TNFRSF19: variants seen among roughly 807,000 people sequenced by gnomAD.
TNFRSF19 encodes TNF receptor superfamily member 19.
TNFRSF19 carries 27 observed loss-of-function variants against 46.4 expected under a neutral mutation model. The observed-to-expected ratio is 0.58, with a 90% confidence interval of 0.43 to 0.80. The LOEUF (loss-of-function observed/expected upper bound fraction) is 0.80, where lower values mean the gene tolerates loss of function less well. TNFRSF19 is among the 30% of genes least tolerant of loss of function. The pLI is 0.00. For missense variants in TNFRSF19, 511 were observed against 530.8 expected (o/e 0.96, Z 0.37); for synonymous variants, 204 against 205.0 (o/e 1.00, Z 0.04).
intron 1 of TNFRSF19, among the ~76,000 whole-genome samples, chr13:23,575,360 A>G (rs1482784559): frequency 6.6e-6 from 1 of 152,268 alleles, no homozygotes; most frequent in East Asian, 1.9e-4. Context: ...TTTTTCATAT[A>G]TATTGGTTTA....
At chr13:23,589,743 T>C (rs1426879476) in intron 1 of TNFRSF19, among the ~76,000 whole-genome samples, 2 of 152,222 alleles carry the variant, frequency 1.3e-5, no homozygotes, top group African/African-American at 4.8e-5. Context: ...TGTCACATAG[T>C]TGTTATTTTA....
intron 7 of TNFRSF19, among the ~76,000 whole-genome samples, chr13:23,664,744 T>G (rs893315023): frequency 6.6e-6 from 1 of 152,164 alleles, no homozygotes; most frequent in African/African-American, 2.4e-5. Context: ...CCTTGTAGAG[T>G]GCACACAAAG....
At chr13:23,654,250 G>A (rs1333733795) in intron 5 of TNFRSF19, among the ~76,000 whole-genome samples, 2 of 152,206 alleles carry the variant, frequency 1.3e-5, no homozygotes, top group Non-Finnish European at 2.9e-5. Context: ...AGCAGTAGAA[G>A]GCAGAGGAGG....
intron 5 of TNFRSF19, among the ~76,000 whole-genome samples, chr13:23,654,654 A>G (rs567441406): frequency 6.6e-6 from 1 of 152,284 alleles, no homozygotes; most frequent in East Asian, 1.9e-4. Context: ...GGTTATCATT[A>G]CCCAACAGAA....
intron 9 of TNFRSF19, among the ~76,000 whole-genome samples, chr13:23,670,308 C>T (rs1024701620): frequency 6.6e-6 from 1 of 152,104 alleles, no homozygotes; most frequent in African/African-American, 2.4e-5. Context: ...CATCTTCCCA[C>T]CTTGTTTGCT....
At chr13:23,669,192 T>TG in intron 9 of TNFRSF19, 95 bp downstream of exon 9, 1 of 1,290,444 alleles carries the variant, frequency 7.7e-7, no homozygotes, top group South Asian at 1.8e-5. Context: ...ACCTGATGAG[T>TG]TTTTTTTTTG....
At chr13:23,654,082 A>G (rs1446935555) in intron 5 of TNFRSF19, among the ~76,000 whole-genome samples, 1 of 152,202 alleles carries the variant, frequency 6.6e-6, no homozygotes, top group Non-Finnish European at 1.5e-5. Flanking sequence ...GGAAAGTGGC[A>G]AGAGCCAGGT....
chr13:23,613,945 C>G (rs762808632), intron 3 of TNFRSF19, among the ~76,000 whole-genome samples: 8 of 152,042 alleles, frequency 5.3e-5, no homozygotes, highest in Non-Finnish European at 1.2e-4. Context: ...GTAATGGATG[C>G]TTTTTGCAAA....
At chr13:23,582,889 G>C (rs951342441) in intron 1 of TNFRSF19, among the ~76,000 whole-genome samples, 3 of 152,120 alleles carry the variant, frequency 2.0e-5, no homozygotes, top group African/African-American at 7.2e-5. Flanking sequence ...ATTATTACAG[G>C]TATCAAAAGT....
At chr13:23,583,236 G>T (rs556819215) in intron 1 of TNFRSF19, among the ~76,000 whole-genome samples, 2 of 152,184 alleles carry the variant, frequency 1.3e-5, no homozygotes, top group African/African-American at 4.8e-5. Context: ...TTGTATTTTA[G>T]ACATTCAAAT....
chr13:23,616,260 G>A, intron 4 of TNFRSF19, among the ~76,000 whole-genome samples: 1 of 152,054 alleles, frequency 6.6e-6, no homozygotes, highest in East Asian at 1.9e-4. Context: ...AAATGAATAG[G>A]CATGCTAACA....
chr13:23,630,274 G>A (rs180806357), intron 5 of TNFRSF19, among the ~76,000 whole-genome samples: 116 of 133,444 alleles, frequency 8.7e-4, no homozygotes, highest in African/African-American at 3.2e-3. Context: ...CTGCACTCCA[G>A]CCTGAACAAC....
At position 23,593,378 on chromosome 13, in the gene TNFRSF19, A is replaced by C; in HGVS notation, c.103A>C (p.Arg35=). The change falls in exon 3 of 10, where the codon AGA becomes CGA. Residue 35 remains arginine (R), a synonymous_variant. Coordinates refer to ENST00000248484, the MANE Select transcript of TNFRSF19 (RefSeq NM_148957.4). ...CKVTCESGDC[R]QQEFRDRSGN... is the part of the protein sequence containing the mutation. ...AGTGACTTGTGAATCAGGAGACTGT[A>C]GACAGCAAGAATTCAGGGATCGGTC... The C allele has an allele frequency of 6.3e-7, 1 of 1,596,014 alleles. No individual in the cohort carries two copies. Among genetic ancestry groups the C allele is most frequent in the Non-Finnish European group, 8.5e-7 (1 of 1,175,542 alleles).
chr13:23,578,476 C>T (rs1293084369), intron 1 of TNFRSF19, among the ~76,000 whole-genome samples: 1 of 152,202 alleles, frequency 6.6e-6, no homozygotes, highest in Non-Finnish European at 1.5e-5. Context: ...AATACAACAA[C>T]CTATTCACTC....
chr13:23,631,243 A>G (rs1434063302), intron 5 of TNFRSF19, among the ~76,000 whole-genome samples: 2 of 152,218 alleles, frequency 1.3e-5, no homozygotes, highest in African/African-American at 4.8e-5. Context: ...AGGGAACCCC[A>G]GTAGTCCCCA....
intron 5 of TNFRSF19, among the ~76,000 whole-genome samples, chr13:23,636,742 G>A (rs746115436): frequency 1.5e-4 from 23 of 152,266 alleles, no homozygotes; most frequent in Admixed American, 3.9e-4. Flanking sequence ...CTCCTGGGCC[G>A]TTATGAAGAT....
In TNFRSF19 at chr13:23,652,842, G is replaced by A. The variant is rs145694525; in HGVS notation, c.446-6208G>A. ...TATTTCATAGACATTCATTCATTCC[G>A]TCATTTAACACATATTTATCAGGCA... On this transcript the variant is annotated intron_variant, in intron 5 of 9. Coordinates refer to ENST00000248484, the MANE Select transcript of TNFRSF19 (RefSeq NM_148957.4). 1.2e-4 allele frequency among the ~76,000 whole-genome samples: 19 copies of A among 152,184 alleles called. No individual in the cohort carries two copies. The East Asian group carries it at 1.9e-3, about 15-fold the overall frequency.
rs570171838 is a variant in TNFRSF19, at chr13:23,664,038, C to A, written c.736+3548C>A. Among the ~76,000 whole-genome samples the A allele has an allele frequency of 3.3e-5, 5 of 152,082 alleles. No homozygotes were observed. In the South Asian group the frequency reaches 1.0e-3, roughly 32 times the overall value. On this transcript the variant is annotated intron_variant, in intron 7 of 9. Transcript: ENST00000248484. ...TTGGTTATTTCTTGTCTTCTGCTGG[C>A]TTTAGGGGTGAGGTAATTTGTTCTT...
rs185182345 is a variant in TNFRSF19 at position 23,637,420 on chromosome 13, A to G, written c.445+10628A>G. Among the ~76,000 whole-genome samples, 526 of 152,342 alleles carry G rather than the reference A, an allele frequency of 3.5e-3. 2 individuals are homozygous for G. The highest frequency in any genetic ancestry group is 5.6e-3 in the Non-Finnish European group (378 of 68,026). On this transcript the variant is annotated intron_variant, in intron 5 of 9. Coordinates refer to ENST00000248484, the MANE Select transcript of TNFRSF19 (RefSeq NM_148957.4). ...TGCTAGTGATTGTAAAAGAGGCAGTAATGCCGGGGCTGAGTCCTGAATCGA... is the reference window on the plus strand; with the variant it reads ...TGCTAGTGATTGTAAAAGAGGCAGTGATGCCGGGGCTGAGTCCTGAATCGA...
Sources: gnomAD v4.1 joint callset for allele counts (sites outside exome capture counted in the v4.1 genomes callset) on GRCh38, gnomAD v4.1.1 for gene constraint, MANE v1.5 for transcripts, NCBI Gene and HGNC (gene_info 2026-07-23, HGNC 2026-07-21) for gene names.